The following CDH13 variants were observed in gnomAD, a reference collection of about 807,000 sequenced individuals.
CDH13 encodes cadherin 13.
CDH13 carries 24 observed loss-of-function variants against 63.8 expected under a neutral mutation model. The ratio of observed to expected loss-of-function variants is 0.38; its 90% CI spans 0.27 to 0.53. CDH13 has a LOEUF of 0.53. CDH13 is among the 20% of genes least tolerant of loss of function. The probability of loss-of-function intolerance (pLI) is 0.85; values close to 1 mark genes in which losing one functional copy is unlikely to be tolerated. For missense variants in CDH13, 1,049 were observed against 903.1 expected, an observed-to-expected ratio of 1.16 and a Z score of -2.07; for synonymous variants, 503 against 355.3, an observed-to-expected ratio of 1.42 and a Z score of -4.67.
At chr16:83,628,875 A>T (rs1910546684) in intron 8 of CDH13, among the ~76,000 whole-genome samples, 1 of 152,196 alleles carries the variant, frequency 6.6e-6, no homozygotes, top group African/African-American at 2.4e-5. Context: ...CCTATTTTTT[A>T]AAAGAAATTT....
At chr16:82,848,162 A>G (rs957244081) in intron 1 of CDH13, among the ~76,000 whole-genome samples, 1 of 152,222 alleles carries the variant, frequency 6.6e-6, no homozygotes, top group Non-Finnish European at 1.5e-5. Context: ...GGTTCTGGGA[A>G]GCTGGCAAGC....
intron 10 of CDH13, among the ~76,000 whole-genome samples, chr16:83,720,140 C>T (rs1457420945): frequency 6.6e-6 from 1 of 152,126 alleles, no homozygotes; most frequent in East Asian, 1.9e-4. Context: ...TGGTGGTCAT[C>T]TGAGTGCCAG....
At chr16:83,350,487 C>T (rs915067056) in intron 6 of CDH13, among the ~76,000 whole-genome samples, 4 of 152,218 alleles carry the variant, frequency 2.6e-5, no homozygotes, top group Admixed American at 2.6e-4. Context: ...TTAGCAGTTA[C>T]GTCCTCATTG....
intron 1 of CDH13, among the ~76,000 whole-genome samples, chr16:82,744,140 C>G (rs1205466117): frequency 2.0e-5 from 3 of 152,168 alleles, no homozygotes; most frequent in Admixed American, 1.3e-4. Context: ...CATTTCCACC[C>G]CCTAGTTCAG....
chr16:82,639,365 A>C (rs1167641059), intron 1 of CDH13: 1 of 1,535,134 alleles, frequency 6.5e-7, no homozygotes. Context: ...ACCAGGGCCA[A>C]ACAACCCACC....
intron 11 of CDH13, among the ~76,000 whole-genome samples, chr16:83,779,011 C>G (rs1165763642): frequency 6.6e-6 from 1 of 152,190 alleles, no homozygotes; most frequent in African/African-American, 2.4e-5. Flanking sequence ...TCATATTTAT[C>G]TCCATTCTTT....
At position 83,670,888 on chromosome 16, in the gene CDH13, C is replaced by T. The variant is rs921885927; in HGVS notation, c.1200C>T (p.Tyr400=). 2 of 1,613,756 alleles carry T rather than the reference C, an allele frequency of 1.2e-6. No homozygotes were observed. Among genetic ancestry groups the T allele is most frequent in the African/African-American group, 1.3e-5 (1 of 75,038 alleles). ...DPTTGAWRAA[Y]TIINGNPGQS... ...CCACAGGTGCATGGAGGGCTGCCTACACCATCATCAACGGAAACCCCGGGC... is the reference window on the plus strand; with the variant it reads ...CCACAGGTGCATGGAGGGCTGCCTATACCATCATCAACGGAAACCCCGGGC... Residue 400 remains tyrosine (Y), a synonymous_variant, in exon 9 of 14, where the codon TAC becomes TAT. Coordinates refer to ENST00000567109, the MANE Select transcript of CDH13 (RefSeq NM_001257.5).
In CDH13 at chr16:83,783,432, C is replaced by T. The variant is rs1915669379; in HGVS notation, c.2094C>T (p.Ser698=). 6.2e-7 allele frequency: 1 copy of T among 1,613,962 alleles called. No individual in the cohort carries two copies. The highest frequency in any genetic ancestry group is 8.5e-7 in the Non-Finnish European group (1 of 1,179,836). ...ACGCGGCAGGGGCCCTGCGCTTCAG[C>T]CTGCCCTCAGTCCTGCTCCTCAGCC... is the stretch of plus-strand genomic sequence containing the variant. The part of the protein sequence containing the change: ...DCNAAGALRF[S]LPSVLLLSLF... The change falls in exon 13 of 14, where the codon AGC becomes AGT. Residue 698 remains serine (S), a synonymous_variant. Coordinates refer to ENST00000567109, the MANE Select transcript of CDH13 (RefSeq NM_001257.5).
intron 1 of CDH13, among the ~76,000 whole-genome samples, chr16:82,803,416 C>G (rs1017724766): frequency 6.6e-6 from 1 of 152,170 alleles, no homozygotes. Flanking sequence ...ATGCGAGGCT[C>G]AAATGACAAT....
intron 10 of CDH13, among the ~76,000 whole-genome samples, chr16:83,744,277 A>G (rs1411145155): frequency 1.3e-5 from 2 of 152,178 alleles, no homozygotes; most frequent in African/African-American, 4.8e-5. Flanking sequence ...GCACAGACCT[A>G]GTGAGGTGAT....
At chr16:83,115,532 C>G (rs1238673073) in intron 3 of CDH13, among the ~76,000 whole-genome samples, 5 of 152,330 alleles carry the variant, frequency 3.3e-5, no homozygotes, top group East Asian at 1.9e-4. Context: ...CCCGAAGCAT[C>G]ACATCTTTGC....
intron 7 of CDH13, among the ~76,000 whole-genome samples, chr16:83,560,115 G>C (rs896865319): frequency 6.6e-6 from 1 of 152,088 alleles, no homozygotes; most frequent in African/African-American, 2.4e-5. Context: ...AATACGTATT[G>C]AGTAGCTACT....
intron 11 of CDH13, among the ~76,000 whole-genome samples, chr16:83,767,745 C>G (rs938083509): frequency 6.6e-6 from 1 of 151,982 alleles, no homozygotes; most frequent in Non-Finnish European, 1.5e-5. Context: ...GAATCCAGAC[C>G]CAAAAAACTA....
chr16:83,212,207 G>T (rs1262961875), intron 4 of CDH13, among the ~76,000 whole-genome samples: 1 of 152,140 alleles, frequency 6.6e-6, no homozygotes, highest in Admixed American at 6.5e-5. Flanking sequence ...GCATGGAGTG[G>T]TTTTGAAGCA....
intron 3 of CDH13, among the ~76,000 whole-genome samples, chr16:83,033,768 G>A (rs925287489): frequency 1.3e-5 from 2 of 152,200 alleles, no homozygotes; most frequent in Non-Finnish European, 1.5e-5. Flanking sequence ...CAGGAGCTCA[G>A]GGACTCCACC....
chr16:83,394,103 G>A (rs1041672246), intron 6 of CDH13, among the ~76,000 whole-genome samples: 8 of 152,094 alleles, frequency 5.3e-5, no homozygotes, highest in African/African-American at 1.7e-4. Context: ...GGTGGAGGTT[G>A]GGAGGAGGGA....
At chr16:83,432,225 T>C (rs531808988) in intron 6 of CDH13, among the ~76,000 whole-genome samples, 1 of 152,226 alleles carries the variant, frequency 6.6e-6, no homozygotes, top group East Asian at 1.9e-4. Context: ...GCATTTGGAA[T>C]AAGAGAAATG....
At chr16:83,275,345 T>G (rs1286128298) in intron 5 of CDH13, among the ~76,000 whole-genome samples, 1 of 152,230 alleles carries the variant, frequency 6.6e-6, no homozygotes, top group Non-Finnish European at 1.5e-5. Context: ...AAATGGCTGT[T>G]GGGTCATGTC....
At chr16:83,697,085 G>A (rs998926447) in intron 10 of CDH13, among the ~76,000 whole-genome samples, 18 of 152,204 alleles carry the variant, frequency 1.2e-4, no homozygotes, top group African/African-American at 3.9e-4. Flanking sequence ...AATTCCAGTC[G>A]ATCCTTATTA....
Sources: gnomAD v4.1 joint callset for allele counts (sites outside exome capture counted in the v4.1 genomes callset) on GRCh38, gnomAD v4.1.1 for gene constraint, MANE v1.5 for transcripts, NCBI Gene and HGNC (gene_info 2026-07-23, HGNC 2026-07-21) for gene names.